CCSER2: variants seen among roughly 807,000 people sequenced by gnomAD.
CCSER2 encodes coiled-coil serine rich protein 2.
CCSER2 carries 46 observed loss-of-function variants against 92.3 expected under a neutral mutation model. The ratio of observed to expected loss-of-function variants is 0.50; its 90% CI spans 0.39 to 0.64. The LOEUF (loss-of-function observed/expected upper bound fraction) is 0.64, where lower values mean the gene tolerates loss of function less well. Ranked by LOEUF, CCSER2 falls within the 30% of genes least tolerant of loss-of-function variation. CCSER2 has a pLI of 0.00. For missense variants in CCSER2, 1,244 were observed against 1,238.9 expected, an observed-to-expected ratio of 1.00 and a Z score of -0.06; for synonymous variants, 433 against 431.4, an observed-to-expected ratio of 1.00 and a Z score of -0.04.
At chr10:84,376,351 C>T (rs1421169002) in intron 3 of CCSER2, among the ~76,000 whole-genome samples, 1 of 152,058 alleles carries the variant, frequency 6.6e-6, no homozygotes, top group Non-Finnish European at 1.5e-5. Flanking sequence ...ATAGAATACT[C>T]CCATCGCTCC....
chr10:84,439,182 T>G (rs989775570), intron 6 of CCSER2, among the ~76,000 whole-genome samples: 2 of 110,684 alleles, frequency 1.8e-5, no homozygotes, highest in Admixed American at 1.2e-4. Context: ...TCTTCTCCTG[T>G]TTTTTTTTTT....
At chr10:84,474,662 C>CAAAAAAAAA (rs397844899) in intron 8 of CCSER2, among the ~76,000 whole-genome samples, 1 of 65,854 alleles carries the variant, frequency 1.5e-5, no homozygotes, top group Non-Finnish European at 2.9e-5. Flanking sequence ...GACTCCATCT[C>CAAAAAAAAA]AAAAAAAAAA....
At chr10:84,498,719 T>A (rs1346380672) in intron 9 of CCSER2, among the ~76,000 whole-genome samples, 1 of 152,242 alleles carries the variant, frequency 6.6e-6, no homozygotes, top group Non-Finnish European at 1.5e-5. Context: ...CAGATTTAAC[T>A]GGGTATGATC....
intron 1 of CCSER2, among the ~76,000 whole-genome samples, chr10:84,361,868 G>A (rs576427857): frequency 1.1e-4 from 16 of 152,050 alleles, no homozygotes; most frequent in Non-Finnish European, 2.1e-4. Context: ...TTGAACTCCC[G>A]ACCTCAGGTG....
chr10:84,398,128 T>C (rs1191514591), intron 3 of CCSER2, among the ~76,000 whole-genome samples: 1 of 152,218 alleles, frequency 6.6e-6, no homozygotes, highest in Admixed American at 6.5e-5. Flanking sequence ...GGTGCCTTCC[T>C]GGAGACTCGA....
At chr10:84,475,514 A>G (rs186849574) in intron 8 of CCSER2, among the ~76,000 whole-genome samples, 31 of 152,320 alleles carry the variant, frequency 2.0e-4, no homozygotes, top group Non-Finnish European at 3.5e-4. Flanking sequence ...ATATGATGGT[A>G]CAAAAGTGAT....
chr10:84,517,463 A>G lies in CCSER2; in HGVS notation c.*3196A>G. On this transcript the variant is annotated 3_prime_UTR_variant, in exon 10 of 10. Transcript: ENST00000372088. ...GCTACTGTTCATTGTATTTATATAT[A>G]TATTAGAATTTACTAAGTACTTTAA... 6.5e-6 allele frequency: 1 copy of G among 152,732 alleles called. No homozygotes were observed. The highest frequency in any genetic ancestry group is 2.4e-5 in the African/African-American group (1 of 41,558). 9.5% of individuals were successfully genotyped at this position (152,732 alleles called of 1,614,324 possible).
At chr10:84,503,143 G>C (rs897566579) in intron 9 of CCSER2, among the ~76,000 whole-genome samples, 5 of 152,156 alleles carry the variant, frequency 3.3e-5, no homozygotes, top group South Asian at 2.1e-4. Flanking sequence ...CAGGAGAATG[G>C]CGTGAACCCA....
At chr10:84,439,609 CTGTTAAAG>C in intron 6 of CCSER2, among the ~76,000 whole-genome samples, 1 of 152,300 alleles carries the variant, frequency 6.6e-6, no homozygotes, top group Non-Finnish European at 1.5e-5. Flanking sequence ...TGTAAATATT[CTGTTAAAG>C]TCAGGTAAAT....
At chr10:84,348,525 C>T (rs915111496) in intron 1 of CCSER2, among the ~76,000 whole-genome samples, 4 of 151,826 alleles carry the variant, frequency 2.6e-5, no homozygotes, top group Non-Finnish European at 4.4e-5. Context: ...AGGGCGAGGG[C>T]GAGGGCGAGG....
Position 84,372,240 on chromosome 10 carries a change from C to T in CCSER2, c.1188C>T (p.Asp396=). 1 of 1,613,232 alleles carries T rather than the reference C, an allele frequency of 6.2e-7. No individual in the cohort carries two copies. Among genetic ancestry groups the T allele is most frequent in the South Asian group, 1.1e-5 (1 of 91,048 alleles). The change falls in exon 2 of 10, where the codon GAC becomes GAT. Residue 396 remains aspartate (D), a synonymous_variant. Transcript: ENST00000372088. ...GATACCTGAGTGATGATGTGGATGA[C>T]ATTTCCTTGTCGTCTTTGTCATCTT... ...KMRYLSDDVD[D]ISLSSLSSSD... is the part of the protein sequence containing the mutation.
At chr10:84,399,878 A>G (rs1300485014) in intron 3 of CCSER2, among the ~76,000 whole-genome samples, 2 of 150,782 alleles carry the variant, frequency 1.3e-5, no homozygotes, top group East Asian at 3.9e-4. Context: ...GGAAATTTCA[A>G]ATATATTCAC....
At chr10:84,430,521 T>C (rs1843707323) in intron 5 of CCSER2, among the ~76,000 whole-genome samples, 1 of 152,206 alleles carries the variant, frequency 6.6e-6, no homozygotes, top group African/African-American at 2.4e-5. Flanking sequence ...AACCAACTCC[T>C]GAGAATGGGC....
rs143391336 is a variant in CCSER2 at position 84,484,490 on chromosome 10, C to CGTGTGTGTGTGTGTGT, written c.2325+6837_2325+6852dup. On this transcript the variant is annotated intron_variant, in intron 9 of 9. Transcript: ENST00000372088. ...GACGTTGCATGCATGTGTGCATGCA[C>CGTGTGTGTGTGTGTGT]GTGTGTGTGTGTGTGTGTGTGTGTG... Among the ~76,000 whole-genome samples, 73 of 147,392 alleles carry CGTGTGTGTGTGTGTGT rather than the reference C, an allele frequency of 5.0e-4. 1 individual carries two copies. Among genetic ancestry groups the CGTGTGTGTGTGTGTGT allele is most frequent in the African/African-American group, 1.8e-3 (72 of 40,688 alleles).
At chr10:84,360,679 G>C (rs1025420246) in intron 1 of CCSER2, among the ~76,000 whole-genome samples, 1 of 152,090 alleles carries the variant, frequency 6.6e-6, no homozygotes, top group African/African-American at 2.4e-5. Context: ...GATTTCCAAC[G>C]TATGAATTCC....
At chr10:84,356,669 C>T (rs4572075) in intron 1 of CCSER2, among the ~76,000 whole-genome samples, 31,691 of 151,942 alleles carry the variant, frequency 0.21, 3,566 homozygotes, top group Admixed American at 0.34. Flanking sequence ...GGGAAGAGAT[C>T]GGTTTCTTCA....
intron 3 of CCSER2, among the ~76,000 whole-genome samples, chr10:84,383,645 T>C (rs2133223593): frequency 6.6e-6 from 1 of 152,318 alleles, no homozygotes; most frequent in Non-Finnish European, 1.5e-5. Flanking sequence ...TATTCACATA[T>C]ACTATCTCAG....
chr10:84,334,553 G>A (rs1218407165), intron 1 of CCSER2, among the ~76,000 whole-genome samples: 2 of 152,120 alleles, frequency 1.3e-5, no homozygotes, highest in Non-Finnish European at 2.9e-5. Flanking sequence ...ATTCTTAAAG[G>A]TTGGATCCAT....
intron 6 of CCSER2, among the ~76,000 whole-genome samples, chr10:84,439,548 G>T (rs544276866): frequency 1.3e-5 from 2 of 152,118 alleles, no homozygotes; most frequent in Non-Finnish European, 2.9e-5. Context: ...ATATGCACAC[G>T]AAAGGCTAGT....
Sources: allele counts gnomAD v4.1 joint callset (sites outside exome capture counted in the v4.1 genomes callset), GRCh38; gene constraint gnomAD v4.1.1; transcripts MANE v1.5; gene names NCBI Gene and HGNC (gene_info 2026-07-23, HGNC 2026-07-21).